Variants in DMRT1 observed in about 807,000 individuals in gnomAD.
DMRT1 encodes doublesex and mab-3 related transcription factor 1.
Under a neutral mutation model 32.3 loss-of-function variants are expected in DMRT1, and 7 were observed. That is an observed-to-expected ratio of 0.22 (90% CI 0.12 to 0.41). The LOEUF is 0.41. Among genes scored for constraint, DMRT1 ranks in the 10% least tolerant of loss-of-function variants. DMRT1 has a pLI of 1.00. For missense variants in DMRT1, 625 were observed against 500.5 expected (o/e 1.25, Z -2.37); for synonymous variants, 278 against 206.1 (o/e 1.35, Z -2.99).
chr9:941,085 G>T (rs79852967), intron 4 of DMRT1, among the ~76,000 whole-genome samples: 1 of 152,196 alleles, frequency 6.6e-6, no homozygotes, highest in Non-Finnish European at 1.5e-5. Context: ...TGGTGGGAAT[G>T]TGAAGTGCTA....
rs766981133 is a variant in DMRT1, at chr9:916,750, TTTTC to T, written c.823-10_823-7del. ...TGTTGATCTCAGTATATTTCTTCTT[TTTTC>T]TTAAGCAGATGAAGAACATGGAGAA... is the stretch of plus-strand genomic sequence containing the variant. On this transcript the variant is annotated splice_polypyrimidine_tract_variant and intron_variant, in intron 3 of 4. Transcript: ENST00000382276. 6.2e-7 allele frequency: 1 copy of T among 1,614,108 alleles called. No homozygotes were observed. The highest frequency in any genetic ancestry group is 1.1e-5 in the South Asian group (1 of 91,084).
chr9:866,692 G>A (rs1816007709), intron 2 of DMRT1, among the ~76,000 whole-genome samples: 2 of 152,172 alleles, frequency 1.3e-5, no homozygotes, highest in Non-Finnish European at 2.9e-5. Flanking sequence ...GTATGTACAC[G>A]GTGCATAATT....
chr9:920,243 G>C (rs1484910036), intron 4 of DMRT1, among the ~76,000 whole-genome samples: 1 of 152,092 alleles, frequency 6.6e-6, no homozygotes, highest in Non-Finnish European at 1.5e-5. Flanking sequence ...GATGAATGTA[G>C]GTGGAGAATA....
chr9:879,036 A>G (rs1387237121), intron 2 of DMRT1, among the ~76,000 whole-genome samples: 2 of 152,188 alleles, frequency 1.3e-5, no homozygotes, highest in African/African-American at 4.8e-5. Context: ...AGACATAAGG[A>G]TAAAGCCAGA....
intron 4 of DMRT1, among the ~76,000 whole-genome samples, chr9:940,360 A>G (rs189246035): frequency 9.8e-5 from 15 of 152,356 alleles, no homozygotes; most frequent in Admixed American, 2.0e-4. Flanking sequence ...ACACACAGAC[A>G]TAGAGACCAA....
At chr9:904,279 T>C (rs1185969419) in intron 3 of DMRT1, among the ~76,000 whole-genome samples, 1 of 152,250 alleles carries the variant, frequency 6.6e-6, no homozygotes, top group Non-Finnish European at 1.5e-5. Context: ...CTTTTTTTCC[T>C]GTTAAGTAGA....
intron 2 of DMRT1, among the ~76,000 whole-genome samples, chr9:890,756 C>G (rs1436639204): frequency 6.6e-6 from 1 of 152,052 alleles, no homozygotes; most frequent in African/African-American, 2.4e-5. Flanking sequence ...ATTCTGTCAC[C>G]CAGGCTGGAG....
intron 4 of DMRT1, among the ~76,000 whole-genome samples, chr9:931,173 T>C (rs975895947): frequency 6.6e-6 from 1 of 152,248 alleles, no homozygotes; most frequent in Non-Finnish European, 1.5e-5. Flanking sequence ...GGTTTATCCA[T>C]GTTGTAGCAT....
intron 1 of DMRT1, among the ~76,000 whole-genome samples, chr9:844,765 G>C (rs1484868599): frequency 7.0e-6 from 1 of 143,012 alleles, no homozygotes; most frequent in Non-Finnish European, 1.5e-5. Context: ...CTGTCCCCCA[G>C]GCTGTAGTGC....
intron 3 of DMRT1, among the ~76,000 whole-genome samples, chr9:905,134 T>C (rs1377335303): frequency 6.6e-6 from 1 of 152,160 alleles, no homozygotes; most frequent in African/African-American, 2.4e-5. Context: ...TTAGTGGATT[T>C]TATTTTTAAA....
chr9:965,673 A>G lies in DMRT1; in HGVS notation c.968-2312A>G, dbSNP rs1227572307. Among the ~76,000 whole-genome samples the G allele has an allele frequency of 1.3e-5, 2 of 152,202 alleles. No individual in the cohort carries two copies. The highest frequency in any genetic ancestry group is 2.9e-5 in the Non-Finnish European group (2 of 68,030). ...GAACATGTTGGGAGAACACATACCT[A>G]TTCCTTTACAAGCCTCTGCATCAGC... On this transcript the variant is annotated intron_variant, in intron 4 of 4. Transcript: ENST00000382276. The surrounding 1 kb of genome is among the most constrained non-coding windows in gnomAD (Gnocchi z 4.5).
chr9:923,992 A>C (rs1465361046), intron 4 of DMRT1, among the ~76,000 whole-genome samples: 2 of 151,982 alleles, frequency 1.3e-5, no homozygotes, highest in South Asian at 2.1e-4. Context: ...AGTGAATGGA[A>C]GGGCATTGGA....
At chr9:852,869 C>T (rs983675849) in intron 2 of DMRT1, among the ~76,000 whole-genome samples, 1 of 152,178 alleles carries the variant, frequency 6.6e-6, no homozygotes, top group Non-Finnish European at 1.5e-5. Flanking sequence ...GCCTTTCCTT[C>T]ACTTTTCTTC....
In DMRT1 at chr9:883,073, C is replaced by T. The variant is rs145866200; in HGVS notation, c.539-10839C>T. ...AGGCATGAGCCACCAAGCCTGCCCA[C>T]CCCACCCTTTTCACTCTTTCACTCT... On this transcript the variant is annotated intron_variant, in intron 2 of 4. Transcript: ENST00000382276. Among the ~76,000 whole-genome samples, 588 of 151,724 alleles carry T rather than the reference C, an allele frequency of 3.9e-3. 14 individuals carry two copies. Among genetic ancestry groups the T allele is most frequent in the Admixed American group, 0.028 (421 of 15,210 alleles).
intron 3 of DMRT1, among the ~76,000 whole-genome samples, chr9:897,285 T>C (rs1490660983): frequency 2.6e-5 from 4 of 151,882 alleles, no homozygotes; most frequent in Middle Eastern, 3.4e-3. Flanking sequence ...GCTATTTTTT[T>C]TTCTGTATTT....
intron 2 of DMRT1, among the ~76,000 whole-genome samples, chr9:866,217 A>G (rs7851390): frequency 0.25 from 37,912 of 148,940 alleles, 5,370 homozygotes; most frequent in African/African-American, 0.36. Context: ...AACCACACAA[A>G]TACTCAGGAC....
intron 2 of DMRT1, among the ~76,000 whole-genome samples, chr9:880,430 T>A (rs902012502): frequency 3.9e-5 from 6 of 152,146 alleles, no homozygotes; most frequent in African/African-American, 1.4e-4. Context: ...AGCATTAGTA[T>A]ACTTGGGTAG....
chr9:874,976 T>A (rs548265171), intron 2 of DMRT1, among the ~76,000 whole-genome samples: 2 of 151,026 alleles, frequency 1.3e-5, no homozygotes, highest in Non-Finnish European at 2.9e-5. Context: ...CCCGGCAAAT[T>A]TTTTGTATTT....
At chr9:940,987 A>T (rs1586645374) in intron 4 of DMRT1, among the ~76,000 whole-genome samples, 1 of 152,356 alleles carries the variant, frequency 6.6e-6, no homozygotes, top group East Asian at 1.9e-4. Flanking sequence ...ACAATGAGAT[A>T]CTGCCTCACA....
Sources: gnomAD v4.1 joint callset for allele counts (sites outside exome capture counted in the v4.1 genomes callset) on GRCh38, gnomAD v4.1.1 for gene constraint, Gnocchi (gnomAD v3.1) non-coding constraint, MANE v1.5 for transcripts, NCBI Gene and HGNC (gene_info 2026-07-23, HGNC 2026-07-21) for gene names.